The following SMYD2 variants were observed in gnomAD, a reference collection of about 807,000 sequenced individuals.
The protein encoded by SMYD2 is SET and MYND domain containing 2.
SMYD2 carries 53 observed loss-of-function variants against 59.1 expected under a neutral mutation model. The ratio of observed to expected loss-of-function variants is 0.90; its 90% CI spans 0.72 to 1.13. The LOEUF is 1.13. Among genes scored for constraint, SMYD2 ranks in the 50% most tolerant of loss-of-function variants. The pLI is 0.00. For synonymous variants in SMYD2, 208 were observed against 198.8 expected, an observed-to-expected ratio of 1.05 and a Z score of -0.39; for missense variants, 494 against 544.7, an observed-to-expected ratio of 0.91 and a Z score of 0.93.
chr1:214,288,745 A>C (rs1032009469), intron 1 of SMYD2, among the ~76,000 whole-genome samples: 2 of 152,184 alleles, frequency 1.3e-5, no homozygotes, highest in African/African-American at 4.8e-5. Flanking sequence ...TAAGAGCTAC[A>C]CATATTCTTT....
At chr1:214,316,616 T>A (rs1657089865) in intron 3 of SMYD2, among the ~76,000 whole-genome samples, 1 of 152,224 alleles carries the variant, frequency 6.6e-6, no homozygotes, top group Non-Finnish European at 1.5e-5. Context: ...GATTAGCATG[T>A]ATCTGTCCCC....
chr1:214,285,832 G>C (rs1293513645), intron 1 of SMYD2, among the ~76,000 whole-genome samples: 1 of 152,218 alleles, frequency 6.6e-6, no homozygotes, highest in African/African-American at 2.4e-5. Context: ...CACCTAGGCT[G>C]TATGGTATAG....
chr1:214,313,707 A>G (rs1657036014), intron 2 of SMYD2, among the ~76,000 whole-genome samples: 1 of 152,028 alleles, frequency 6.6e-6, no homozygotes, highest in African/African-American at 2.4e-5. Flanking sequence ...CAGCACTGGC[A>G]TCATCATTTA....
Position 214,334,349 on chromosome 1 carries a change from T to C in SMYD2, c.1221+41T>C, listed in dbSNP as rs111906450. The C allele has an allele frequency of 3.1e-3, 4,812 of 1,573,714 alleles. 154 individuals carry two copies. The South Asian group carries it at 0.049, about 16-fold the overall frequency. ...GGCCTTAGGATTCCCAGTGGCCAGA[T>C]GGCCTCCTTAGCGCACCTCCTTCAT... On this transcript the variant is annotated intron_variant, in intron 11 of 11. Coordinates refer to ENST00000366957, the MANE Select transcript of SMYD2 (RefSeq NM_020197.3).
At chr1:214,322,765 C>CAAG in intron 5 of SMYD2, among the ~76,000 whole-genome samples, 1 of 152,292 alleles carries the variant, frequency 6.6e-6, no homozygotes, top group African/African-American at 2.4e-5. Context: ...TATCCTTGAG[C>CAAG]AAGTCACTTA....
chr1:214,288,148 A>G (rs1656580537), intron 1 of SMYD2, among the ~76,000 whole-genome samples: 1 of 152,244 alleles, frequency 6.6e-6, no homozygotes, highest in African/African-American at 2.4e-5. Context: ...AAGCAATTGC[A>G]CAGAATCCTC....
At chr1:214,299,034 C>G (rs959204958) in intron 1 of SMYD2, among the ~76,000 whole-genome samples, 8 of 151,978 alleles carry the variant, frequency 5.3e-5, no homozygotes, top group African/African-American at 1.9e-4. Flanking sequence ...CCCTGTGGTC[C>G]CAGCTACTTG....
At chr1:214,332,686 A>T (rs78858088) in intron 10 of SMYD2, 1 of 153,156 alleles carries the variant, frequency 6.5e-6, no homozygotes, top group Non-Finnish European at 1.5e-5. Context: ...TTTGGAAAAA[A>T]GAAACAAAAA....
rs746777864 is a variant in SMYD2, at chr1:214,305,217, C to G, written c.204C>G (p.Cys68Trp). 6.2e-7 allele frequency: 1 copy of G among 1,614,210 alleles called. No homozygotes were observed. Among genetic ancestry groups the G allele is most frequent in the Non-Finnish European group, 8.5e-7 (1 of 1,180,036 alleles). ...RKEGLSKCGR[C>W]KQAFYCNVEC... ...AAGGATTGTCCAAATGTGGAAGATG[C>G]AAGCAGGCATTTTACTGCAATGTGG... Residue 68 changes from cysteine (C) to tryptophan (W), a missense_variant, in exon 2 of 12, where the codon TGC becomes TGG. Physicochemically the swap from Cys to Trp is radical, Grantham distance 215. Coordinates refer to ENST00000366957, the MANE Select transcript of SMYD2 (RefSeq NM_020197.3).
In SMYD2 at chr1:214,281,445, G is replaced by T; in HGVS notation, c.173+18G>T. The stretch of plus-strand genomic sequence containing the variant: ...TTCACCAGGTAGGGCGGCGGCGGCG[G>T]CGGCGGCGGGCGGGAGCCGGGGGCG... On this transcript the variant is annotated intron_variant, in intron 1 of 11. Transcript: ENST00000366957. 2 of 1,388,354 alleles carry T rather than the reference G, an allele frequency of 1.4e-6. No individual in the cohort carries two copies. Among genetic ancestry groups the T allele is most frequent in the Non-Finnish European group, 1.9e-6 (2 of 1,067,290 alleles). 86.0% of individuals were successfully genotyped at this position (1,388,354 alleles called of 1,614,324 possible). A position where few individuals can be genotyped will look rare whatever the true frequency, so the allele number is the denominator to read the frequency against.
In SMYD2 at chr1:214,311,145, A is replaced by G. The variant is rs539784128; in HGVS notation, c.238-3617A>G. ...TTTATCTTGGTTCTGACATTGCCAT[A>G]AACTGCTTGAAGTCAAAGACTTCAT... On this transcript the variant is annotated intron_variant, in intron 2 of 11. Coordinates refer to ENST00000366957, the MANE Select transcript of SMYD2 (RefSeq NM_020197.3). Among the ~76,000 whole-genome samples the G allele has an allele frequency of 6.5e-4, 99 of 152,346 alleles. 1 individual carries two copies. The highest frequency in any genetic ancestry group is 2.3e-3 in the African/African-American group (94 of 41,582).
Position 214,303,571 on chromosome 1 carries a change from C to T in SMYD2, c.174-1616C>T, listed in dbSNP as rs765827940. On this transcript the variant is annotated intron_variant, in intron 1 of 11. Coordinates refer to ENST00000366957, the MANE Select transcript of SMYD2 (RefSeq NM_020197.3). ...ATTTATTTATGCCTCAACCCCAAGA[C>T]GCGTTTTTCTCCCACATTCTTCAGT... Among the ~76,000 whole-genome samples the T allele has an allele frequency of 3.9e-5, 6 of 152,290 alleles. No individual in the cohort carries two copies. The East Asian group carries it at 7.7e-4, about 20-fold the overall frequency.
chr1:214,334,049 C>G (rs1657397899), intron 10 of SMYD2, 151 bp from the exon 11 acceptor site: 2 of 601,742 alleles, frequency 3.3e-6, no homozygotes, highest in African/African-American at 3.6e-5. Context: ...AGCATCCACG[C>G]TCTCCACCCA....
chr1:214,331,059 A>G lies in SMYD2; in HGVS notation c.926A>G (p.Lys309Arg). 6.2e-7 allele frequency: 1 copy of G among 1,614,246 alleles called. No individual in the cohort carries two copies. The highest frequency in any genetic ancestry group is 8.5e-7 in the Non-Finnish European group (1 of 1,180,042). The change falls in exon 9 of 12, where the codon AAG (lysine) becomes AGG (arginine). Residue 309 changes from lysine to arginine, a missense_variant. Coordinates refer to ENST00000366957, the MANE Select transcript of SMYD2 (RefSeq NM_020197.3). ...GTCATTGAAGAGTTCCGGAGGGCCA[A>G]GCACTATAAATATATCCTTTACAAC... ...RNVIEEFRRA[K>R]HYKSPSELLE...
intron 1 of SMYD2, among the ~76,000 whole-genome samples, chr1:214,282,222 G>A (rs545821888): frequency 6.6e-6 from 1 of 152,306 alleles, no homozygotes; most frequent in African/African-American, 2.4e-5. Flanking sequence ...GAGAGTTTCA[G>A]AGCTTAAAGG....
rs142247662 is a variant in SMYD2, at chr1:214,330,410, C to A, written c.816+132C>A. 9.9e-4 allele frequency: 584 copies of A among 588,362 alleles called. 12 individuals are homozygous for A. In the East Asian group the frequency reaches 0.016, roughly 16 times the overall value. 36.4% of individuals were successfully genotyped at this position (588,362 alleles called of 1,614,324 possible). A position where few individuals can be genotyped will look rare whatever the true frequency, so the allele number is the denominator to read the frequency against. On this transcript the variant is annotated intron_variant, in intron 8 of 11. Transcript: ENST00000366957. ...CTTTAAACCCTCCTTACAAAGACAG[C>A]CAAAGGGAATCTAGTTAGACCAGGT...
chr1:214,290,791 A>G (rs961851016), intron 1 of SMYD2, among the ~76,000 whole-genome samples: 1 of 152,208 alleles, frequency 6.6e-6, no homozygotes, highest in African/African-American at 2.4e-5. Flanking sequence ...GGCACTTGGA[A>G]GGAGTTATGT....
rs558423619 is a variant in SMYD2, at chr1:214,311,201, G to A, written c.238-3561G>A. On this transcript the variant is annotated intron_variant, in intron 2 of 11. Transcript: ENST00000366957. ...ATCCCTGCCTCTAGGGTCAGTTGCA[G>A]CACTTGTTGAATGAATGAATGAATG... Among the ~76,000 whole-genome samples the A allele has an allele frequency of 2.6e-5, 4 of 152,308 alleles. No individual in the cohort carries two copies. The South Asian group carries it at 8.3e-4, about 32-fold the overall frequency.
At chr1:214,321,512 C>T (rs1657172158) in intron 5 of SMYD2, among the ~76,000 whole-genome samples, 1 of 152,236 alleles carries the variant, frequency 6.6e-6, no homozygotes, top group Middle Eastern at 3.2e-3. Flanking sequence ...CCACCGGTCC[C>T]ACCTCTCAGC....
Sources: allele counts gnomAD v4.1 joint callset (sites outside exome capture counted in the v4.1 genomes callset), GRCh38; gene constraint gnomAD v4.1.1; transcripts MANE v1.5; gene names NCBI Gene and HGNC (gene_info 2026-07-23, HGNC 2026-07-21).